Variants in EPHX4 observed in about 807,000 individuals in gnomAD.
EPHX4 encodes the protein abhydrolase domain containing 7.
In EPHX4, 31 loss-of-function variants were observed where a neutral mutation model predicts 44.9. The ratio of observed to expected loss-of-function variants is 0.69; its 90% CI spans 0.52 to 0.93. The LOEUF (loss-of-function observed/expected upper bound fraction) is 0.93. Among genes scored for constraint, EPHX4 ranks in the 40% least tolerant of loss-of-function variants. EPHX4 has a pLI of 0.00. For synonymous variants in EPHX4, 151 were observed against 159.7 expected, an observed-to-expected ratio of 0.95 and a Z score of 0.41; for missense variants, 373 against 438.1, an observed-to-expected ratio of 0.85 and a Z score of 1.33.
At chr1:92,046,156 ATATT>A (rs1293525999) in intron 4 of EPHX4, among the ~76,000 whole-genome samples, 1 of 152,216 alleles carries the variant, frequency 6.6e-6, no homozygotes, top group African/African-American at 2.4e-5. Flanking sequence ...AAATTTAAAA[ATATT>A]TATATGTTAA....
At chr1:92,037,035 A>AT in intron 2 of EPHX4, among the ~76,000 whole-genome samples, 1 of 152,110 alleles carries the variant, frequency 6.6e-6, no homozygotes, top group Middle Eastern at 3.4e-3. Flanking sequence ...ACTCTTTTTT[A>AT]TTTTTTTCAT....
At position 92,049,673 on chromosome 1, in the gene EPHX4, G is replaced by A. The variant is rs972408490; in HGVS notation, c.605-644G>A. Among the ~76,000 whole-genome samples the A allele has an allele frequency of 6.6e-5, 10 of 152,130 alleles. No homozygotes were observed. The East Asian group carries it at 1.5e-3, about 23-fold the overall frequency. On this transcript the variant is annotated intron_variant, in intron 4 of 6. Transcript: ENST00000370383. ...TGTAAGGAAAATCTTTTAAACAACC[G>A]AAAATTACATCACCATGTATTCCTA...
At chr1:92,053,865 A>G (rs74102809) in intron 6 of EPHX4, among the ~76,000 whole-genome samples, 6,451 of 152,260 alleles carry the variant, frequency 0.042, 169 homozygotes, top group African/African-American at 0.071. Context: ...ATATTCAAAT[A>G]CACCGTTGGG....
rs1190224496 is a variant in EPHX4 at position 92,063,270 on chromosome 1, C to T, written c.1073C>T (p.Thr358Ile). 6 of 1,581,312 alleles carry T rather than the reference C, an allele frequency of 3.8e-6. No individual in the cohort carries two copies. The Admixed American group carries it at 1.1e-4, about 28-fold the overall frequency. The change falls in exon 7 of 7, where the codon ACA becomes ATA. Residue 358 changes from threonine to isoleucine, a missense_variant. By Grantham distance (89) the Thr-to-Ile change is moderately conservative. Transcript: ENST00000370383. ...ATATGGACATTTCTAAAAGAAGAAA[C>T]AAGAAAAAAAGATTGACTTTTCTTT... ...KLIWTFLKEE[T>I]RKKD is the part of the protein sequence containing the mutation.
intron 2 of EPHX4, among the ~76,000 whole-genome samples, chr1:92,038,592 G>A (rs745829172): frequency 2.6e-5 from 4 of 152,134 alleles, no homozygotes; most frequent in Non-Finnish European, 5.9e-5. Context: ...CCTGAAGAGT[G>A]CACATACAAG....
intron 6 of EPHX4, among the ~76,000 whole-genome samples, chr1:92,055,918 T>C (rs1349600859): frequency 2.0e-5 from 3 of 152,252 alleles, no homozygotes; most frequent in East Asian, 1.9e-4. Flanking sequence ...TCTGAGATTC[T>C]TTTACTAATA....
At chr1:92,059,976 A>C (rs558884572) in intron 6 of EPHX4, among the ~76,000 whole-genome samples, 28 of 152,018 alleles carry the variant, frequency 1.8e-4, no homozygotes, top group Non-Finnish European at 2.8e-4. Flanking sequence ...ACCATCTCAA[A>C]GTGTTGGGAT....
intron 2 of EPHX4, among the ~76,000 whole-genome samples, chr1:92,036,966 G>GA (rs958944749): frequency 3.8e-4 from 55 of 144,768 alleles, no homozygotes; most frequent in Middle Eastern, 7.1e-3. Context: ...CAAACAACAG[G>GA]AAAAAAAAAA....
intron 2 of EPHX4, among the ~76,000 whole-genome samples, chr1:92,033,671 T>C (rs1215022830): frequency 1.3e-5 from 2 of 152,178 alleles, no homozygotes; most frequent in African/African-American, 2.4e-5. Context: ...TATGTAATTA[T>C]TAGTTACTAT....
At chr1:92,040,985 CT>C (rs34067987) in intron 2 of EPHX4, among the ~76,000 whole-genome samples, 5 of 151,518 alleles carry the variant, frequency 3.3e-5, no homozygotes, top group South Asian at 4.2e-4. Context: ...CATGCAGATG[CT>C]TTTTTTTAAT....
At chr1:92,034,307 A>G (rs1361622089) in intron 2 of EPHX4, among the ~76,000 whole-genome samples, 2 of 151,322 alleles carry the variant, frequency 1.3e-5, no homozygotes, top group African/African-American at 2.4e-5. Flanking sequence ...CTCAAAAAAA[A>G]AAAAAAAAAA....
intron 6 of EPHX4, among the ~76,000 whole-genome samples, chr1:92,054,809 C>A (rs1482732449): frequency 1.3e-5 from 2 of 151,896 alleles, no homozygotes; most frequent in Non-Finnish European, 2.9e-5. Context: ...AAAATATGGT[C>A]ATTGAAATCT....
At chr1:92,050,924 C>T (rs1647238242) in intron 5 of EPHX4, among the ~76,000 whole-genome samples, 1 of 152,140 alleles carries the variant, frequency 6.6e-6, no homozygotes, top group Admixed American at 6.5e-5. Context: ...CCTCAACCTC[C>T]CAGGCTCAAG....
chr1:92,050,691 A>G (rs1025724175), intron 5 of EPHX4, among the ~76,000 whole-genome samples: 2 of 152,042 alleles, frequency 1.3e-5, no homozygotes, highest in African/African-American at 4.8e-5. Flanking sequence ...GAATACAAAT[A>G]TCAGGTTTAA....
chr1:92,045,698 T>C, intron 4 of EPHX4, 38 bp downstream of exon 4: 1 of 1,611,086 alleles, frequency 6.2e-7, no homozygotes, highest in East Asian at 2.2e-5. Context: ...TCTGCTAATG[T>C]GACAATTCAC....
intron 6 of EPHX4, 131 bp from the exon 7 acceptor site, chr1:92,062,924 A>G: frequency 5.5e-6 from 4 of 733,198 alleles, no homozygotes; most frequent in South Asian, 4.0e-5. Flanking sequence ...CACCCTCCCA[A>G]GAACACAATT....
intron 6 of EPHX4, among the ~76,000 whole-genome samples, chr1:92,056,926 G>GA (rs1647382654): frequency 6.6e-6 from 1 of 151,952 alleles, no homozygotes; most frequent in Admixed American, 6.6e-5. Flanking sequence ...CAAACTTTTA[G>GA]AAAACCTCAT....
In EPHX4 at chr1:92,030,161, T is replaced by A; in HGVS notation, c.82T>A (p.Cys28Ser). 6.2e-7 allele frequency: 1 copy of A among 1,612,740 alleles called. No individual in the cohort carries two copies. The change falls in exon 1 of 7, where the codon TGC becomes AGC. Residue 28 changes from cysteine (C) to serine (S), a missense_variant. Cys to Ser is a moderately radical substitution (Grantham distance 112). Coordinates refer to ENST00000370383, the MANE Select transcript of EPHX4 (RefSeq NM_173567.5). ...LLFWSLVYCYCGLCASIHLLK... is the reference protein window; with the variant it reads ...LLFWSLVYCYSGLCASIHLLK... ...CTTCTGGTCCCTGGTCTACTGCTAC[T>A]GCGGGCTCTGCGCCTCCATCCACCT...
intron 6 of EPHX4, among the ~76,000 whole-genome samples, chr1:92,057,517 T>C (rs775811456): frequency 4.2e-4 from 64 of 151,884 alleles, no homozygotes; most frequent in Admixed American, 1.5e-3. Flanking sequence ...CAAACCAATA[T>C]GAGTTTAAAG....
Sources: gnomAD v4.1 joint callset for allele counts (sites outside exome capture counted in the v4.1 genomes callset) on GRCh38, gnomAD v4.1.1 for gene constraint, MANE v1.5 for transcripts, NCBI Gene and HGNC (gene_info 2026-07-23, HGNC 2026-07-21) for gene names.